RUNDC1: variants seen among roughly 807,000 people sequenced by gnomAD.
RUNDC1 encodes RUN domain containing 1.
A neutral mutation model predicts 49.3 loss-of-function variants in RUNDC1; 31 were observed. The ratio of observed to expected loss-of-function variants is 0.63; its 90% CI spans 0.47 to 0.85. The LOEUF (loss-of-function observed/expected upper bound fraction) is 0.85. Ranked by LOEUF, RUNDC1 falls within the 40% of genes least tolerant of loss-of-function variation. The pLI is 0.00. For missense variants in RUNDC1, 715 were observed against 806.7 expected (o/e 0.89, Z 1.38); for synonymous variants, 347 against 348.6 (o/e 1.00, Z 0.05).
intron 1 of RUNDC1, among the ~76,000 whole-genome samples, chr17:42,987,039 G>A (rs1271071790): frequency 1.3e-5 from 2 of 152,150 alleles, no homozygotes; most frequent in African/African-American, 4.8e-5. Context: ...TTTCCAATGA[G>A]GGACAGATAG....
In RUNDC1 at chr17:42,992,676, C is replaced by T. The variant is rs1039351092; in HGVS notation, c.*960C>T. 1.3e-5 allele frequency: 2 copies of T among 151,972 alleles called. No homozygotes were observed. The highest frequency in any genetic ancestry group is 1.3e-4 in the Admixed American group (2 of 15,266). The allele number at this position is 151,972 out of a possible 1,614,324, so 9.4% of individuals were successfully genotyped here. ...AGAGGCCTAGGCCAGAATTTAAATT[C>T]CTTTTATGAATAGATTTCCCTTTCT... On this transcript the variant is annotated 3_prime_UTR_variant, in exon 5 of 5. Coordinates refer to ENST00000361677, the MANE Select transcript of RUNDC1 (RefSeq NM_173079.5).
Position 42,990,939 on chromosome 17 carries a change from C to T in RUNDC1, c.1065C>T (p.Ser355=), listed in dbSNP as rs760518488. 2 of 1,613,356 alleles carry T rather than the reference C, an allele frequency of 1.2e-6. No homozygotes were observed. The highest frequency in any genetic ancestry group is 1.3e-5 in the African/African-American group (1 of 74,926). ...CCGTGCTCCAGATCTTTGCTGTTAG[C>T]CAGTTTGGTTGTGCCACAGGCCAGA... ...ALAVLQIFAV[S]QFGCATGQIP... is the part of the protein sequence containing the mutation. Residue 355 remains serine, a synonymous_variant, in exon 5 of 5, where the codon AGC becomes AGT. Coordinates refer to ENST00000361677, the MANE Select transcript of RUNDC1 (RefSeq NM_173079.5).
chr17:42,983,079 G>A (rs866978567), intron 1 of RUNDC1, among the ~76,000 whole-genome samples: 1 of 151,146 alleles, frequency 6.6e-6, no homozygotes, highest in African/African-American at 2.4e-5. Flanking sequence ...TTGGGGAGGC[G>A]AAGGCTGGAG....
Position 42,990,437 on chromosome 17 carries a change from G to GT in RUNDC1, c.976+2dup. On this transcript the variant is annotated splice_donor_variant, in intron 4 of 4. Transcript: ENST00000361677. LOFTEE classifies it high-confidence loss of function. ...AGAACGCCTCCAGGAAACAGCAAAA[G>GT]TAAGTGCAGTTTCCAGAACAGGCAA... is the stretch of plus-strand genomic sequence containing the variant. 1 of 1,613,672 alleles carries GT rather than the reference G, an allele frequency of 6.2e-7. No homozygotes were observed.
Position 42,981,008 on chromosome 17 carries a change from CGACCCCGCCAGCGAT to C in RUNDC1, c.435_449del (p.Asp145_Asp149del). The C allele has an allele frequency of 1.3e-6, 2 of 1,545,760 alleles. No homozygotes were observed. Among genetic ancestry groups the C allele is most frequent in the Non-Finnish European group, 1.7e-6 (2 of 1,152,068 alleles). On this transcript the variant is annotated inframe_deletion, in exon 1 of 5. Coordinates refer to ENST00000361677, the MANE Select transcript of RUNDC1 (RefSeq NM_173079.5). ...ACGTCCTAGGTTACGAAGGGCCCGG[CGACCCCGCCAGCGAT>C]GAGGGCGATGGGCTGCCAGGGGACC...
chr17:42,988,176 C>G (rs1415257745), intron 2 of RUNDC1, among the ~76,000 whole-genome samples: 1 of 151,980 alleles, frequency 6.6e-6, no homozygotes, highest in African/African-American at 2.4e-5. Context: ...GGTAGAGATA[C>G]AGTTACAACC....
In RUNDC1 at chr17:42,991,050, G is replaced by C. The variant is rs756545911; in HGVS notation, c.1176G>C (p.Val392=). 6 of 1,614,138 alleles carry C rather than the reference G, an allele frequency of 3.7e-6. No individual in the cohort carries two copies. In the South Asian group the frequency reaches 6.6e-5, roughly 18 times the overall value. Residue 392 remains valine (V), a synonymous_variant, in exon 5 of 5, where the codon GTG becomes GTC. Coordinates refer to ENST00000361677, the MANE Select transcript of RUNDC1 (RefSeq NM_173079.5). ...LKRLEVSVDR[V]KQLALRQQPH... is the part of the protein sequence containing the mutation. ...GGCTGGAGGTGTCAGTGGACAGAGT[G>C]AAGCAGCTAGCCTTGAGGCAGCAGC...
intron 4 of RUNDC1, 24 bp from the exon 5 acceptor site, chr17:42,990,827 T>C: frequency 6.4e-7 from 1 of 1,560,236 alleles, no homozygotes; most frequent in East Asian, 2.3e-5. Flanking sequence ...CTCTCACTGA[T>C]GAGCCACTGT....
chr17:42,984,404 C>T (rs2050142515), intron 1 of RUNDC1, among the ~76,000 whole-genome samples: 1 of 152,072 alleles, frequency 6.6e-6, no homozygotes, highest in Admixed American at 6.6e-5. Flanking sequence ...CCTCAGCCTC[C>T]CTAGTAGCTG....
chr17:42,986,621 C>G (rs563228158), intron 1 of RUNDC1, among the ~76,000 whole-genome samples: 2 of 151,874 alleles, frequency 1.3e-5, no homozygotes, highest in Non-Finnish European at 2.9e-5. Flanking sequence ...CTTCAGCCTC[C>G]CAAGTAGCTG....
chr17:42,986,225 C>T (rs323502), intron 1 of RUNDC1, among the ~76,000 whole-genome samples: 144,844 of 151,980 alleles, frequency 0.95, 69,415 homozygotes, highest in East Asian at 1. Flanking sequence ...GCAATCCTCC[C>T]GCCTCGGCCA....
At chr17:42,989,650 G>T in intron 3 of RUNDC1, 111 bp downstream of exon 3, 1 of 967,184 alleles carries the variant, frequency 1.0e-6, no homozygotes, top group African/African-American at 1.6e-5. Flanking sequence ...TTTTTGGGCG[G>T]TGGGGACAGT....
Position 42,991,101 on chromosome 17 carries a change from C to G in RUNDC1, c.1227C>G (p.Ala409=). The change falls in exon 5 of 5, where the codon GCC becomes GCG. Residue 409 remains alanine (A), a synonymous_variant. Coordinates refer to ENST00000361677, the MANE Select transcript of RUNDC1 (RefSeq NM_173079.5). ...QQPHDHVITS[A]NLQDLSLGGK... is the part of the protein sequence containing the mutation. ...CACATGACCATGTCATCACCTCTGC[C>G]AACCTCCAGGACCTCTCTCTGGGAG... 1 of 1,614,210 alleles carries G rather than the reference C, an allele frequency of 6.2e-7. No homozygotes were observed. Among genetic ancestry groups the G allele is most frequent in the Non-Finnish European group, 8.5e-7 (1 of 1,180,028 alleles).
At position 42,991,856 on chromosome 17, in the gene RUNDC1, C is replaced by T. The variant is rs1427475210; in HGVS notation, c.*140C>T. The T allele has an allele frequency of 2.6e-5, 22 of 856,552 alleles. No homozygotes were observed. The highest frequency in any genetic ancestry group is 1.6e-4 in the Admixed American group (6 of 36,534). 53.1% of individuals were successfully genotyped at this position (856,552 alleles called of 1,614,324 possible). ...GCTCAGGCAGTCGGCCAAATGAGTG[C>T]AAAGTCTGTTTTCCCCACCAACTTA... On this transcript the variant is annotated 3_prime_UTR_variant, in exon 5 of 5. Transcript: ENST00000361677.
In RUNDC1 at chr17:42,989,533, A is replaced by G; in HGVS notation, c.850A>G (p.Ile284Val). ...IRDLEMFINF[I>V]QDEVGSPLQT... is the part of the protein sequence containing the mutation. ...AGACCTTGAGATGTTTATCAACTTC[A>G]TCCAAGGTTAGAGGAGGGGATGGGA... is the stretch of plus-strand genomic sequence containing the variant. The change falls in exon 3 of 5, where the codon ATC becomes GTC. Residue 284 changes from isoleucine (I) to valine (V), a missense_variant. By Grantham distance (29) the Ile-to-Val change is conservative. This residue lies in a region of RUNDC1 where 425 missense variants were observed against 499.7 expected (regional missense o/e 0.85). Coordinates refer to ENST00000361677, the MANE Select transcript of RUNDC1 (RefSeq NM_173079.5). 4 of 1,613,956 alleles carry G rather than the reference A, an allele frequency of 2.5e-6. No individual in the cohort carries two copies. In the South Asian group the frequency reaches 4.4e-5, roughly 18 times the overall value.
At position 42,980,883 on chromosome 17, in the gene RUNDC1, C is replaced by T; in HGVS notation, c.307C>T (p.Gln103Ter). 2 of 1,505,204 alleles carry T rather than the reference C, an allele frequency of 1.3e-6. No individual in the cohort carries two copies. The highest frequency in any genetic ancestry group is 1.8e-6 in the Non-Finnish European group (2 of 1,133,632). The allele number at this position is 1,505,204 out of a possible 1,614,324, so 93.2% of individuals were successfully genotyped here. ...ALLALSSHFA[Q>*]VQFRLRQVVR... The stretch of plus-strand genomic sequence containing the variant: ...GCTGGCGCTGTCCTCGCACTTCGCG[C>T]AGGTGCAGTTCCGCCTGCGCCAGGT... The change falls in exon 1 of 5, where the codon CAG (glutamine) becomes TAG (stop). Residue 103 changes from glutamine (Q) to a stop codon, truncating the protein, a stop_gained. Transcript: ENST00000361677. LOFTEE classifies it high-confidence loss of function.
chr17:42,994,967 GCT>G lies in RUNDC1; in HGVS notation c.*3255_*3256del, dbSNP rs2050288099. 6.6e-6 allele frequency among the ~76,000 whole-genome samples: 1 copy of G among 151,920 alleles called. No homozygotes were observed. Among genetic ancestry groups the G allele is most frequent in the African/African-American group, 2.4e-5 (1 of 41,384 alleles). On this transcript the variant is annotated 3_prime_UTR_variant, in exon 5 of 5. Coordinates refer to ENST00000361677, the MANE Select transcript of RUNDC1 (RefSeq NM_173079.5). ...AAGTATTGTTAAAGCCGTCTAAGGT[GCT>G]CTCCAATCATTCATTCACTATTGAT... is the stretch of plus-strand genomic sequence containing the variant.
At position 42,980,595 on chromosome 17, in the gene RUNDC1, G is replaced by C; in HGVS notation, c.19G>C (p.Ala7Pro). MAAVEA[A>P]AEPVTVVAAV... ...CGGGAAGATGGCGGCTGTCGAAGCG[G>C]CTGCAGAGCCGGTAACGGTGGTGGC... is the stretch of plus-strand genomic sequence containing the variant. The change falls in exon 1 of 5, where the codon GCT (alanine) becomes CCT (proline). Residue 7 changes from alanine to proline, a missense_variant. Coordinates refer to ENST00000361677, the MANE Select transcript of RUNDC1 (RefSeq NM_173079.5). The C allele has an allele frequency of 3.1e-6, 5 of 1,609,670 alleles. No individual in the cohort carries two copies. The highest frequency in any genetic ancestry group is 4.2e-6 in the Non-Finnish European group (5 of 1,179,158).
Position 42,980,722 on chromosome 17 carries a change from C to T in RUNDC1, c.146C>T (p.Ala49Val). 2 of 1,544,316 alleles carry T rather than the reference C, an allele frequency of 1.3e-6. No homozygotes were observed. Among genetic ancestry groups the T allele is most frequent in the Non-Finnish European group, 8.7e-7 (1 of 1,148,656 alleles). ...GCCCCAGTGGGGGCGGTGGCGGAGG[C>T]CCGGCCTGGGGCAACCGCGTTTTTA... ...RWAPVGAVAE[A>V]RPGATAFLEE... Residue 49 changes from alanine to valine, a missense_variant, in exon 1 of 5, where the codon GCC (alanine) becomes GTC (valine). Physicochemically the swap from Ala to Val is moderately conservative, Grantham distance 64. Around this residue, in one of 5 missense-constraint regions of RUNDC1, gnomAD observed 153 missense variants for 139.4 expected, o/e 1.10. Transcript: ENST00000361677.
Sources: gnomAD v4.1 joint callset for allele counts (sites outside exome capture counted in the v4.1 genomes callset) on GRCh38, gnomAD v4.1.1 for gene constraint, gnomAD v4.1.1 regional missense constraint, MANE v1.5 for transcripts, NCBI Gene and HGNC (gene_info 2026-07-23, HGNC 2026-07-21) for gene names.